Variants in DOCK1 observed in about 807,000 individuals in gnomAD.
DOCK1 encodes dedicator of cytokinesis 1.
Under a neutral mutation model 262.7 loss-of-function variants are expected in DOCK1, and 138 were observed. The ratio of observed to expected loss-of-function variants is 0.53; its 90% CI spans 0.46 to 0.61. The LOEUF is 0.61. DOCK1 is among the 20% of genes least tolerant of loss of function. The pLI, the probability that DOCK1 is intolerant of heterozygous loss-of-function variation, is 0.00. For synonymous variants in DOCK1, 866 were observed against 867.4 expected (o/e 1.00, Z 0.03); for missense variants, 1,908 against 2,370.7 (o/e 0.80, Z 4.05).
intron 27 of DOCK1, among the ~76,000 whole-genome samples, chr10:127,158,588 A>G (rs1313378780): frequency 6.6e-6 from 1 of 152,186 alleles, no homozygotes; most frequent in Non-Finnish European, 1.5e-5. Flanking sequence ...CAAGTCATAG[A>G]GTCCATATTT....
chr10:127,150,229 C>T (rs1179599951), intron 27 of DOCK1, among the ~76,000 whole-genome samples: 1 of 152,192 alleles, frequency 6.6e-6, no homozygotes. Flanking sequence ...GGGTTCTGAA[C>T]ACTTTTCTAC....
chr10:127,133,163 C>CA (rs1461087728), intron 27 of DOCK1, among the ~76,000 whole-genome samples: 2 of 152,164 alleles, frequency 1.3e-5, no homozygotes, highest in Admixed American at 1.3e-4. Flanking sequence ...TTTCTCTGAG[C>CA]ATGGGTGATT....
intron 27 of DOCK1, among the ~76,000 whole-genome samples, chr10:127,231,714 T>A (rs2058848493): frequency 6.6e-6 from 1 of 152,220 alleles, no homozygotes; most frequent in Non-Finnish European, 1.5e-5. Context: ...GTCCCCTTAT[T>A]TAGACTCAAG....
intron 29 of DOCK1, among the ~76,000 whole-genome samples, chr10:127,267,958 C>T (rs567125804): frequency 1.3e-5 from 2 of 152,230 alleles, no homozygotes; most frequent in East Asian, 1.9e-4. Flanking sequence ...CTGTGTCTTC[C>T]GTGTCTTTTT....
intron 1 of DOCK1, among the ~76,000 whole-genome samples, chr10:126,922,389 G>T (rs750356613): frequency 1.1e-4 from 16 of 152,018 alleles, no homozygotes; most frequent in Non-Finnish European, 2.4e-4. Context: ...CAAGAGAGGG[G>T]AGGAGCTGCC....
chr10:126,984,145 C>A (rs1565030743), intron 4 of DOCK1, among the ~76,000 whole-genome samples: 1 of 152,056 alleles, frequency 6.6e-6, no homozygotes, highest in South Asian at 2.1e-4. Context: ...TTGACATGGC[C>A]TCTGTTGCGT....
chr10:126,956,111 G>A (rs1055635653), intron 1 of DOCK1, among the ~76,000 whole-genome samples: 7,599 of 152,312 alleles, frequency 0.05, 206 homozygotes, highest in Middle Eastern at 0.12. Context: ...TGCAGCCGGC[G>A]CATCTGGGCC....
At chr10:127,354,897 G>A (rs1475092736) in intron 32 of DOCK1, among the ~76,000 whole-genome samples, 170 bp downstream of exon 32, 1 of 152,224 alleles carries the variant, frequency 6.6e-6, no homozygotes, top group East Asian at 1.9e-4. Context: ...AGAGATAGAA[G>A]ACCAAAGGCA....
At chr10:127,434,390 G>T (rs2069517851) in intron 48 of DOCK1, among the ~76,000 whole-genome samples, 1 of 152,116 alleles carries the variant, frequency 6.6e-6, no homozygotes, top group East Asian at 1.9e-4. Context: ...CTGGAATGCA[G>T]TGGTGTGATC....
intron 47 of DOCK1, among the ~76,000 whole-genome samples, chr10:127,431,712 G>A (rs1482367696): frequency 6.6e-6 from 1 of 152,196 alleles, no homozygotes; most frequent in African/African-American, 2.4e-5. Flanking sequence ...AAGTTTTGTT[G>A]ACAGGCAGGC....
intron 21 of DOCK1, 76 bp from the exon 22 acceptor site, chr10:127,052,605 T>C: frequency 6.3e-7 from 1 of 1,599,994 alleles, no homozygotes; most frequent in South Asian, 1.1e-5. Context: ...AACCTACTTG[T>C]ATATTTCCTT....
chr10:127,023,054 G>T, intron 13 of DOCK1, 146 bp from the exon 14 acceptor site: 1 of 1,008,404 alleles, frequency 9.9e-7, no homozygotes, highest in Non-Finnish European at 1.4e-6. Context: ...TATTTAAATG[G>T]TGAGACTGTT....
At chr10:127,088,399 A>T (rs186158478) in intron 23 of DOCK1, among the ~76,000 whole-genome samples, 16 of 152,316 alleles carry the variant, frequency 1.1e-4, no homozygotes, top group African/African-American at 3.8e-4. Flanking sequence ...CTTAGAAATT[A>T]TTAAAAGCTG....
chr10:127,292,174 C>G (rs1445538919), intron 29 of DOCK1, among the ~76,000 whole-genome samples: 2 of 152,160 alleles, frequency 1.3e-5, no homozygotes, highest in Non-Finnish European at 2.9e-5. Context: ...ATGACCACTC[C>G]AGGTCTCTGC....
Position 127,175,220 on chromosome 10 carries a change from A to G in DOCK1, c.2847+47456A>G. 3.7e-6 allele frequency: 6 copies of G among 1,612,504 alleles called. No individual in the cohort carries two copies. The highest frequency in any genetic ancestry group is 4.2e-6 in the Non-Finnish European group (5 of 1,179,114). On this transcript the variant is annotated intron_variant, in intron 27 of 51. Transcript: ENST00000623213. The surrounding 1 kb of genome is among the most constrained non-coding windows in gnomAD (Gnocchi z 6.3). ...TGGGTGAACATACATACCCTTCCCG[A>G]TGGGCCTCTCCTTTTTCCAACTCCT...
intron 11 of DOCK1, among the ~76,000 whole-genome samples, chr10:127,011,932 C>T (rs957426466): frequency 1.2e-4 from 19 of 152,132 alleles, no homozygotes. Context: ...GGCTTTCAGA[C>T]AAGCTCCTTT....
At chr10:126,927,795 C>T (rs1012156616) in intron 1 of DOCK1, among the ~76,000 whole-genome samples, 4 of 152,110 alleles carry the variant, frequency 2.6e-5, no homozygotes, top group African/African-American at 7.2e-5. Context: ...GCCCACGTGG[C>T]GACACCCTCC....
intron 13 of DOCK1, among the ~76,000 whole-genome samples, chr10:127,021,062 G>T (rs2042387460): frequency 6.6e-6 from 1 of 152,168 alleles, no homozygotes; most frequent in African/African-American, 2.4e-5. Flanking sequence ...TCTGTAACCT[G>T]GGGAGGCATT....
rs928567661 is a variant in DOCK1, at chr10:126,942,093, C to T, written c.47-28609C>T. ...AGGCTGGAGTGCAGTGGCACGATCTCGGCTCACTGCAAGCTCTGCCTCCCG... is the reference window on the plus strand; with the variant it reads ...AGGCTGGAGTGCAGTGGCACGATCTTGGCTCACTGCAAGCTCTGCCTCCCG... On this transcript the variant is annotated intron_variant, in intron 1 of 51. Coordinates refer to ENST00000623213, the MANE Select transcript of DOCK1 (RefSeq NM_001290223.2). Among the ~76,000 whole-genome samples the T allele has an allele frequency of 7.2e-5, 11 of 151,990 alleles. No homozygotes were observed. The East Asian group carries it at 1.2e-3, about 16-fold the overall frequency.
Sources: allele counts gnomAD v4.1 joint callset (sites outside exome capture counted in the v4.1 genomes callset), GRCh38; gene constraint gnomAD v4.1.1; non-coding constraint Gnocchi (gnomAD v3.1); transcripts MANE v1.5; gene names NCBI Gene and HGNC (gene_info 2026-07-23, HGNC 2026-07-21).